SUPT3H: variants seen among roughly 807,000 people sequenced by gnomAD.
SUPT3H encodes the protein SPT3 homolog, SAGA and STAGA complex component.
In SUPT3H, 44 loss-of-function variants were observed where a neutral mutation model predicts 44.3. That is an observed-to-expected ratio of 0.99 (90% CI 0.78 to 1.28). The LOEUF (loss-of-function observed/expected upper bound fraction) is 1.28. Among genes scored for constraint, SUPT3H ranks in the 50% most tolerant of loss-of-function variants. SUPT3H has a pLI of 0.00. For synonymous variants in SUPT3H, 124 were observed against 125.6 expected (o/e 0.99, Z 0.09); for missense variants, 380 against 387.1 (o/e 0.98, Z 0.15).
chr6:44,991,703 C>T (rs1780639728), intron 6 of SUPT3H, among the ~76,000 whole-genome samples: 1 of 151,946 alleles, frequency 6.6e-6, no homozygotes, highest in Non-Finnish European at 1.5e-5. Flanking sequence ...GCTTGATTTG[C>T]ACATTTTCTA....
rs571136532 is a variant in SUPT3H, at chr6:45,095,145, G to A, written c.186+10777C>T. On this transcript the variant is annotated intron_variant, in intron 3 of 10. Coordinates refer to ENST00000371459, the MANE Select transcript of SUPT3H (RefSeq NM_003599.4). This position sits in a 1 kb window ranked among gnomAD's most constrained non-coding sequence, Gnocchi z 4.1. ...TATACATGCTCTGGCTTAGTACAAAGTATGAACGTTTAGTTAGCAAGAAGA... is the reference window on the plus strand; with the variant it reads ...TATACATGCTCTGGCTTAGTACAAAATATGAACGTTTAGTTAGCAAGAAGA... Among the ~76,000 whole-genome samples the A allele has an allele frequency of 3.0e-4, 46 of 152,184 alleles. No individual in the cohort carries two copies. The highest frequency in any genetic ancestry group is 3.0e-3 in the Admixed American group (46 of 15,270).
chr6:45,105,860 G>C (rs1050477546), intron 3 of SUPT3H, 62 bp downstream of exon 3: 34 of 1,307,386 alleles, frequency 2.6e-5, no homozygotes, highest in Non-Finnish European at 3.7e-5. Context: ...AAAGTGTTGG[G>C]TTACCATCCT....
At chr6:44,972,707 G>C (rs2396368) in intron 6 of SUPT3H, among the ~76,000 whole-genome samples, 149,207 of 152,304 alleles carry the variant, frequency 0.98, 73,097 homozygotes, top group Middle Eastern at 1. Context: ...CATACATCCT[G>C]TGAAGTCTAG....
intron 3 of SUPT3H, among the ~76,000 whole-genome samples, chr6:45,067,779 G>C (rs1793635004): frequency 1.4e-5 from 2 of 143,178 alleles, no homozygotes; most frequent in South Asian, 2.3e-4. Context: ...TCTCACACCA[G>C]TTAGAATGGC....
At chr6:44,887,965 C>G (rs1192158197) in intron 10 of SUPT3H, among the ~76,000 whole-genome samples, 1 of 152,126 alleles carries the variant, frequency 6.6e-6, no homozygotes, top group African/African-American at 2.4e-5. Flanking sequence ...GAAATACAAA[C>G]TACCATCAGA....
intron 4 of SUPT3H, among the ~76,000 whole-genome samples, chr6:45,019,396 G>A (rs893339073): frequency 6.6e-6 from 1 of 151,954 alleles, no homozygotes; most frequent in African/African-American, 2.4e-5. Flanking sequence ...GCTAGCTTTT[G>A]AATGTGTTTG....
rs1351520915 is a variant in SUPT3H, at chr6:44,928,902, A to G, written c.912+3751T>C. 3.6e-5 allele frequency among the ~76,000 whole-genome samples: 3 copies of G among 83,682 alleles called. No homozygotes were observed. The East Asian group carries it at 1.4e-3, about 38-fold the overall frequency. The allele number at this position is 83,682 out of a possible 152,430, so 54.9% of individuals were successfully genotyped here. ...CGTCTCAAAAAAAAAAAAAAAAAAAAAAGAAAAGAAAAGAAACAAATCACC... is the reference window on the plus strand; with the variant it reads ...CGTCTCAAAAAAAAAAAAAAAAAAAGAAGAAAAGAAAAGAAACAAATCACC... On this transcript the variant is annotated intron_variant, in intron 10 of 10. Transcript: ENST00000371459.
intron 5 of SUPT3H, among the ~76,000 whole-genome samples, chr6:45,007,732 C>T (rs2153508240): frequency 6.6e-6 from 1 of 150,688 alleles, no homozygotes; most frequent in East Asian, 1.9e-4. Context: ...AAGTATTCCC[C>T]CCCACTTTTT....
intron 2 of SUPT3H, among the ~76,000 whole-genome samples, chr6:45,252,213 A>C (rs1772502011): frequency 1.3e-5 from 2 of 152,204 alleles, no homozygotes; most frequent in Admixed American, 1.3e-4. Flanking sequence ...GTAGAAAGAG[A>C]ACTGTGCTGA....
intron 2 of SUPT3H, among the ~76,000 whole-genome samples, chr6:45,271,168 C>A (rs1343522222): frequency 6.6e-6 from 1 of 152,116 alleles, no homozygotes; most frequent in East Asian, 1.9e-4. Flanking sequence ...AAAAGAAAAT[C>A]CCATTTTCTG....
intron 10 of SUPT3H, among the ~76,000 whole-genome samples, chr6:44,849,462 C>T (rs1372343751): frequency 6.6e-6 from 1 of 151,740 alleles, no homozygotes; most frequent in Non-Finnish European, 1.5e-5. Flanking sequence ...CTCCTGACCT[C>T]GTGATCCGCC....
chr6:45,129,362 A>G (rs191188789), intron 2 of SUPT3H, among the ~76,000 whole-genome samples: 24 of 152,362 alleles, frequency 1.6e-4, no homozygotes, highest in Non-Finnish European at 3.4e-4. Flanking sequence ...AATGGTGCCC[A>G]TTAATGAAAA....
chr6:44,843,935 A>G (rs867470741), intron 10 of SUPT3H, among the ~76,000 whole-genome samples: 1,624 of 135,552 alleles, frequency 0.012, 12 homozygotes, highest in African/African-American at 0.015. Context: ...ACGCACACAC[A>G]CACACACACA....
chr6:44,938,389 C>T (rs1003675085), intron 9 of SUPT3H, among the ~76,000 whole-genome samples: 1 of 152,180 alleles, frequency 6.6e-6, no homozygotes, highest in South Asian at 2.1e-4. Context: ...GCTGTAAATA[C>T]ATGGTTTTAT....
intron 2 of SUPT3H, among the ~76,000 whole-genome samples, chr6:45,279,896 C>A (rs1029064182): frequency 1.3e-5 from 2 of 152,114 alleles, no homozygotes; most frequent in African/African-American, 4.8e-5. Context: ...TCAAATTTAA[C>A]ATAACCAAAA....
chr6:44,895,120 A>G (rs1336030001), intron 10 of SUPT3H, among the ~76,000 whole-genome samples: 2 of 152,082 alleles, frequency 1.3e-5, no homozygotes, highest in East Asian at 3.8e-4. Flanking sequence ...ATACACAGAC[A>G]ATGAATTGAA....
Position 45,119,507 on chromosome 6 carries a change from G to A in SUPT3H, c.102-13501C>T, listed in dbSNP as rs116069977. ...TCAGTGGGCACACAAACTAGATACTGTTAGAGCAGATTAAAACCTTAAGCA... is the reference window on the plus strand; with the variant it reads ...TCAGTGGGCACACAAACTAGATACTATTAGAGCAGATTAAAACCTTAAGCA... On this transcript the variant is annotated intron_variant, in intron 2 of 10. Coordinates refer to ENST00000371459, the MANE Select transcript of SUPT3H (RefSeq NM_003599.4). Among the ~76,000 whole-genome samples, 395 of 152,248 alleles carry A rather than the reference G, an allele frequency of 2.6e-3. 2 individuals are homozygous for A. Among genetic ancestry groups the A allele is most frequent in the African/African-American group, 8.7e-3 (361 of 41,558 alleles).
chr6:44,819,454 T>C (rs1267170158), intron 11 of SUPT3H, among the ~76,000 whole-genome samples: 1 of 151,862 alleles, frequency 6.6e-6, no homozygotes, highest in African/African-American at 2.4e-5. Flanking sequence ...AAAAAGGGTT[T>C]ATACCTATAT....
At chr6:44,901,600 C>T (rs1414003811) in intron 10 of SUPT3H, among the ~76,000 whole-genome samples, 3 of 151,738 alleles carry the variant, frequency 2.0e-5, no homozygotes, top group Non-Finnish European at 2.9e-5. Flanking sequence ...AAACACTCTG[C>T]AGGATATTAT....
Sources: gnomAD v4.1 joint callset for allele counts (sites outside exome capture counted in the v4.1 genomes callset) on GRCh38, gnomAD v4.1.1 for gene constraint, Gnocchi (gnomAD v3.1) non-coding constraint, MANE v1.5 for transcripts, NCBI Gene and HGNC (gene_info 2026-07-23, HGNC 2026-07-21) for gene names.